PTPN2: variants seen among roughly 807,000 people sequenced by gnomAD.
PTPN2 encodes tyrosine-protein phosphatase non-receptor type 2.
Under a neutral mutation model 57.3 loss-of-function variants are expected in PTPN2, and 19 were observed. That is an observed-to-expected ratio of 0.33 (90% CI 0.23 to 0.49). The LOEUF is 0.49. PTPN2 is among the 20% of genes least tolerant of loss of function. The pLI is 0.99. For missense variants in PTPN2, 358 were observed against 501.1 expected, an observed-to-expected ratio of 0.71 and a Z score of 2.73; for synonymous variants, 153 against 164.9, an observed-to-expected ratio of 0.93 and a Z score of 0.55.
At chr18:12,861,368 T>C (rs1488039726) in intron 1 of PTPN2, among the ~76,000 whole-genome samples, 1 of 152,204 alleles carries the variant, frequency 6.6e-6, no homozygotes, top group Non-Finnish European at 1.5e-5. Flanking sequence ...TGCTCTATCA[T>C]AAACCAAGTT....
chr18:12,862,962 C>T (rs2043866415), intron 1 of PTPN2, among the ~76,000 whole-genome samples: 1 of 151,924 alleles, frequency 6.6e-6, no homozygotes. Context: ...AGATCTGACA[C>T]TGATGAGGCA....
intron 7 of PTPN2, among the ~76,000 whole-genome samples, chr18:12,813,087 C>A (rs1280354218): frequency 6.6e-6 from 1 of 151,910 alleles, no homozygotes; most frequent in Non-Finnish European, 1.5e-5. Flanking sequence ...CTCCCAGTTA[C>A]CCGTCTCATC....
At chr18:12,825,700 T>C in intron 5 of PTPN2, 110 bp downstream of exon 5, 2 of 1,017,138 alleles carry the variant, frequency 2.0e-6, no homozygotes, top group Non-Finnish European at 2.8e-6. Flanking sequence ...GGCTAGATAC[T>C]ATAGGAATTA....
At chr18:12,840,966 T>G in intron 2 of PTPN2, 1 of 1,453,716 alleles carries the variant, frequency 6.9e-7, no homozygotes. Flanking sequence ...TTGAATACTT[T>G]CAGCAATCAT....
At chr18:12,811,159 G>A (rs1392307308) in intron 7 of PTPN2, among the ~76,000 whole-genome samples, 2 of 151,994 alleles carry the variant, frequency 1.3e-5, no homozygotes, top group African/African-American at 4.8e-5. Flanking sequence ...TAGGTAACTC[G>A]CCCAAGGATA....
chr18:12,851,976 T>C (rs943521600), intron 2 of PTPN2, among the ~76,000 whole-genome samples: 5 of 152,020 alleles, frequency 3.3e-5, no homozygotes, highest in Non-Finnish European at 5.9e-5. Flanking sequence ...ATTACACATA[T>C]ATTTAGTGTC....
intron 1 of PTPN2, among the ~76,000 whole-genome samples, chr18:12,879,022 C>G (rs1178390870): frequency 6.6e-6 from 1 of 152,172 alleles, no homozygotes; most frequent in East Asian, 1.9e-4. Flanking sequence ...CTGATGAAGA[C>G]AGCAATCAGC....
downstream of PTPN2, among the ~76,000 whole-genome samples, chr18:12,791,353 A>G (rs115064030): frequency 0.15 from 22,780 of 152,128 alleles, 1,876 homozygotes; most frequent in African/African-American, 0.2. Context: ...GCAACACTAC[A>G]TCATTCAAGT....
At position 12,862,117 on chromosome 18, in the gene PTPN2, G is replaced by A. The variant is rs2043828265; in HGVS notation, c.70-2863C>T. The A allele has an allele frequency of 3.3e-5, 2 of 60,346 alleles. 1 individual carries two copies. The highest frequency in any genetic ancestry group is 4.4e-4 in the Admixed American group (2 of 4,544). The allele number at this position is 60,346 out of a possible 1,614,324, so 3.7% of individuals were successfully genotyped here. The stretch of plus-strand genomic sequence containing the variant: ...ATATTTCAAAAAGCAGCTCCCAAAG[G>A]TGCATATTAGCGTTTATTCCAATAT... On this transcript the variant is annotated intron_variant, in intron 1 of 8. Transcript: ENST00000309660.
rs112731168 is a variant in PTPN2 at position 12,794,143 on chromosome 18, A to G, written c.*135T>C. Reference sequence around the variant, plus strand: ...TGAGATGTTGGGCTTGTGACTGTAAATATCACTTATCTGGTTGATGTCTAT... The same window carrying G: ...TGAGATGTTGGGCTTGTGACTGTAAGTATCACTTATCTGGTTGATGTCTAT... On this transcript the variant is annotated 3_prime_UTR_variant, in exon 9 of 9. Transcript: ENST00000309660. 34 of 1,472,744 alleles carry G rather than the reference A, an allele frequency of 2.3e-5. No homozygotes were observed. Among genetic ancestry groups the G allele is most frequent in the African/African-American group, 1.3e-4 (9 of 70,594 alleles). 91.2% of individuals were successfully genotyped at this position (1,472,744 alleles called of 1,614,324 possible).
At chr18:12,845,819 T>C (rs1443325764) in intron 2 of PTPN2, among the ~76,000 whole-genome samples, 3 of 152,212 alleles carry the variant, frequency 2.0e-5, no homozygotes, top group Non-Finnish European at 2.9e-5. Flanking sequence ...GTTGCAAACA[T>C]ACCTGATTAT....
rs534981783 is a variant in PTPN2, at chr18:12,816,887, G to A, written c.705+269C>T. ...TTTATATTTGAAAAAATGTGGGGGA[G>A]AGACCTATTATTTCTGTAATATAAA... On this transcript the variant is annotated intron_variant, in intron 6 of 8. Transcript: ENST00000309660. 4.6e-5 allele frequency among the ~76,000 whole-genome samples: 7 copies of A among 152,250 alleles called. No individual in the cohort carries two copies. The East Asian group carries it at 9.6e-4, about 21-fold the overall frequency.
Position 12,817,335 on chromosome 18 carries a change from G to A in PTPN2, c.526C>T (p.His176Tyr). Reference sequence around the variant, plus strand: ...CCAAAATCTGGCCAGGTAGTATAATGAAAGTGAGATATTGTTCTGGTTTCA... The same window carrying A: ...CCAAAATCTGGCCAGGTAGTATAATAAAAGTGAGATATTGTTCTGGTTTCA... Reference protein sequence around the residue: ...SGETRTISHFHYTTWPDFGVP... With the variant: ...SGETRTISHFYYTTWPDFGVP... The change falls in exon 6 of 9, where the codon CAT (histidine) becomes TAT (tyrosine). Residue 176 changes from histidine (H) to tyrosine (Y), a missense_variant. Transcript: ENST00000309660. 1 of 1,613,824 alleles carries A rather than the reference G, an allele frequency of 6.2e-7. No homozygotes were observed. Among genetic ancestry groups the A allele is most frequent in the Non-Finnish European group, 8.5e-7 (1 of 1,179,744 alleles).
intron 1 of PTPN2, chr18:12,864,285 C>T (rs992107087): frequency 5.3e-5 from 8 of 151,900 alleles, no homozygotes; most frequent in Admixed American, 5.2e-4. Flanking sequence ...GACCACACAC[C>T]ACCTTTTTCC....
In PTPN2 at chr18:12,870,323, A is replaced by G. The variant is rs12958221; in HGVS notation, c.70-11069T>C. 3.9e-4 allele frequency among the ~76,000 whole-genome samples: 28 copies of G among 72,204 alleles called. 1 individual carries two copies. Among genetic ancestry groups the G allele is most frequent in the East Asian group, 1.1e-3 (3 of 2,618 alleles). The allele number at this position is 72,204 out of a possible 152,430, so 47.4% of individuals were successfully genotyped here. A position where few individuals can be genotyped will look rare whatever the true frequency, so the allele number is the denominator to read the frequency against. ...TGTGTATATATACATATATATGTGTATATATATGTATATATATACATATAT... is the reference window on the plus strand; with the variant it reads ...TGTGTATATATACATATATATGTGTGTATATATGTATATATATACATATAT... On this transcript the variant is annotated intron_variant, in intron 1 of 8. Transcript: ENST00000309660.
In PTPN2 at chr18:12,865,646, T is replaced by TAAAATAAAAAGAGTGAG. The variant is rs1314980233; in HGVS notation, c.70-6409_70-6393dup. Reference sequence around the variant, plus strand: ...CAACATGGTGAAACCCTGTCTCTACTAAAATAAAAAGAGTGAGCTGGGCAA... The same window carrying TAAAATAAAAAGAGTGAG: ...CAACATGGTGAAACCCTGTCTCTACTAAAATAAAAAGAGTGAGAAAATAAAAAGAGTGAGCTGGGCAA... On this transcript the variant is annotated intron_variant, in intron 1 of 8. Transcript: ENST00000309660. 5.9e-5 allele frequency among the ~76,000 whole-genome samples: 9 copies of TAAAATAAAAAGAGTGAG among 151,774 alleles called. No individual in the cohort carries two copies. In the East Asian group the frequency reaches 1.8e-3, roughly 30 times the overall value.
At chr18:12,825,968 A>AT (rs753828976) in intron 4 of PTPN2, 24 bp from the exon 5 acceptor site, 298 of 1,545,808 alleles carry the variant, frequency 1.9e-4, no homozygotes, top group South Asian at 2.4e-4. Flanking sequence ...TATGTATATG[A>AT]TTTTTTTTTA....
At chr18:12,865,559 A>T (rs1049805596) in intron 1 of PTPN2, among the ~76,000 whole-genome samples, 44 of 152,030 alleles carry the variant, frequency 2.9e-4, no homozygotes, top group African/African-American at 1.0e-3. Context: ...CCTGGTCAAC[A>T]CGGTGAAACC....
rs182896522 is a variant in PTPN2 at position 12,817,141 on chromosome 18, G to C, written c.705+15C>G. The C allele has an allele frequency of 2.5e-6, 4 of 1,601,220 alleles. No homozygotes were observed. Among genetic ancestry groups the C allele is most frequent in the East Asian group, 2.2e-5 (1 of 44,800 alleles). On this transcript the variant is annotated intron_variant, in intron 6 of 8. Coordinates refer to ENST00000309660, the MANE Select transcript of PTPN2 (RefSeq NM_002828.4). ...AAATCAATGAGATTAAAATGAGATC[G>C]TAAGAAGCACTTACCAAAACAAGAC... is the stretch of plus-strand genomic sequence containing the variant.
Sources: allele counts gnomAD v4.1 joint callset (sites outside exome capture counted in the v4.1 genomes callset), GRCh38; gene constraint gnomAD v4.1.1; transcripts MANE v1.5; gene names NCBI Gene and HGNC (gene_info 2026-07-23, HGNC 2026-07-21).